NHSL1: variants seen among roughly 807,000 people sequenced by gnomAD.
The protein encoded by NHSL1 is NHS-like protein 1.
NHSL1 carries 48 observed loss-of-function variants against 95.0 expected under a neutral mutation model. The observed-to-expected ratio is 0.51, with a 90% confidence interval of 0.40 to 0.64. NHSL1 has a LOEUF of 0.64. NHSL1 is among the 30% of genes least tolerant of loss of function. The pLI is 0.00. For missense variants in NHSL1, 1,971 were observed against 2,077.7 expected, an observed-to-expected ratio of 0.95 and a Z score of 1.00; for synonymous variants, 783 against 833.9, an observed-to-expected ratio of 0.94 and a Z score of 1.05.
At chr6:138,550,346 C>G (rs1223042915), upstream of NHSL1, among the ~76,000 whole-genome samples, 1 of 152,116 alleles carries the variant, frequency 6.6e-6, no homozygotes, top group Non-Finnish European at 1.5e-5. Flanking sequence ...AAAATAAGAA[C>G]TATCCATTGA....
At chr6:138,683,577 T>G (rs112619131) in intron 1 of NHSL1, among the ~76,000 whole-genome samples, 15 of 152,388 alleles carry the variant, frequency 9.8e-5, no homozygotes, top group African/African-American at 3.6e-4. Context: ...AAAAGCCTTC[T>G]TGTTTTTTCC....
intron 3 of NHSL1, among the ~76,000 whole-genome samples, chr6:138,456,744 A>G (rs1184038867): frequency 6.6e-6 from 1 of 152,226 alleles, no homozygotes; most frequent in Admixed American, 6.5e-5. Context: ...CTGCCTTCAA[A>G]TGCAAGAACC....
intron 3 of NHSL1, among the ~76,000 whole-genome samples, chr6:138,454,743 T>A (rs1309795937): frequency 6.6e-6 from 1 of 152,268 alleles, no homozygotes; most frequent in Non-Finnish European, 1.5e-5. Flanking sequence ...AACTATGTGA[T>A]CTTAGGCAAG....
At chr6:138,516,661 G>A (rs777572823) in intron 1 of NHSL1, among the ~76,000 whole-genome samples, 5 of 152,242 alleles carry the variant, frequency 3.3e-5, no homozygotes, top group African/African-American at 7.2e-5. Flanking sequence ...TTGAGACAAG[G>A]TCTAGCTCTC....
intron 3 of NHSL1, among the ~76,000 whole-genome samples, chr6:138,460,801 A>T (rs1777945348): frequency 6.6e-6 from 1 of 151,290 alleles, no homozygotes; most frequent in Admixed American, 6.6e-5. Context: ...TTCACTTAGC[A>T]CTGCCCCTCT....
intron 1 of NHSL1, among the ~76,000 whole-genome samples, chr6:138,597,190 A>G (rs1784313377): frequency 6.6e-6 from 1 of 152,298 alleles, no homozygotes; most frequent in East Asian, 1.9e-4. Context: ...TAAGACCTGC[A>G]AACAGCGAAT....
At chr6:138,666,278 G>A (rs1785292962) in intron 1 of NHSL1, among the ~76,000 whole-genome samples, 1 of 151,836 alleles carries the variant, frequency 6.6e-6, no homozygotes. Context: ...ACTCCAGCCT[G>A]GACAACAAGG....
intron 1 of NHSL1, among the ~76,000 whole-genome samples, chr6:138,543,391 T>C (rs866671695): frequency 6.6e-6 from 1 of 152,206 alleles, no homozygotes; most frequent in South Asian, 2.1e-4. Context: ...ATGAGAAAGA[T>C]GGCATCCTTC....
In NHSL1 at chr6:138,424,616, C is replaced by G; in HGVS notation, c.4286G>C (p.Arg1429Pro). Residue 1429 changes from arginine to proline, a missense_variant, in exon 8 of 8, where the codon CGT becomes CCT. This residue lies in a region of NHSL1 where 146 missense variants were observed against 206.3 expected (regional missense o/e 0.71). Transcript: ENST00000343505. This position sits in a 1 kb window ranked among gnomAD's most constrained non-coding sequence, Gnocchi z 5.9. ...AGACATGCGGGCGCTGGTGTCTGAACGACTGCCCTTTTTCAGCAGCAGAGC... is the reference window on the plus strand; with the variant it reads ...AGACATGCGGGCGCTGGTGTCTGAAGGACTGCCCTTTTTCAGCAGCAGAGC... Reference protein sequence around the residue: ...FKALLLKKGSRSDTSARMSAA... With the variant: ...FKALLLKKGSPSDTSARMSAA... 6.4e-7 allele frequency: 1 copy of G among 1,551,584 alleles called. No individual in the cohort carries two copies. Among genetic ancestry groups the G allele is most frequent in the Non-Finnish European group, 8.7e-7 (1 of 1,146,972 alleles).
upstream of NHSL1, among the ~76,000 whole-genome samples, chr6:138,503,838 C>G (rs954675406): frequency 6.6e-6 from 1 of 152,158 alleles, no homozygotes; most frequent in Non-Finnish European, 1.5e-5. Context: ...CTTTGCCCCC[C>G]AAACTGTTTC....
chr6:138,512,060 G>T (rs1781258130), intron 1 of NHSL1, among the ~76,000 whole-genome samples: 1 of 152,176 alleles, frequency 6.6e-6, no homozygotes, highest in South Asian at 2.1e-4. Context: ...TTTGTGTGCT[G>T]CAATGCATAT....
At chr6:138,472,637 G>A (rs1158395977) in intron 3 of NHSL1, among the ~76,000 whole-genome samples, 3 of 152,112 alleles carry the variant, frequency 2.0e-5, no homozygotes, top group Non-Finnish European at 4.4e-5. Context: ...CTTAGTAAAT[G>A]AAAATAAAAC....
chr6:138,492,747 A>G (rs1389170858), intron 2 of NHSL1, among the ~76,000 whole-genome samples: 1 of 152,222 alleles, frequency 6.6e-6, no homozygotes, highest in East Asian at 1.9e-4. Flanking sequence ...AAACTGACAG[A>G]CTAATTCATA....
chr6:138,661,235 G>A (rs1296093303), intron 1 of NHSL1, among the ~76,000 whole-genome samples: 1 of 152,022 alleles, frequency 6.6e-6, no homozygotes, highest in Non-Finnish European at 1.5e-5. Flanking sequence ...TATTCCTACT[G>A]CATAACTGAA....
At chr6:138,463,035 A>G (rs1045244561) in intron 3 of NHSL1, among the ~76,000 whole-genome samples, 1 of 152,234 alleles carries the variant, frequency 6.6e-6, no homozygotes, top group African/African-American at 2.4e-5. Context: ...CTAGAAAAAT[A>G]GCAGATGGAG....
rs570951396 is a variant in NHSL1, at chr6:138,490,771, C to T, written c.211+5448G>A. On this transcript the variant is annotated intron_variant, in intron 2 of 7. Coordinates refer to ENST00000343505, the MANE Select transcript of NHSL1 (RefSeq NM_001144060.2). ...CCTCAGCCTCCTGAGAAGGCTGGGACTACAGGCATGCGCCACCACACCCGG... is the reference window on the plus strand; with the variant it reads ...CCTCAGCCTCCTGAGAAGGCTGGGATTACAGGCATGCGCCACCACACCCGG... 5.6e-3 allele frequency among the ~76,000 whole-genome samples: 859 copies of T among 152,190 alleles called. 2 individuals carry two copies. Among genetic ancestry groups the T allele is most frequent in the Non-Finnish European group, 0.01 (713 of 68,018 alleles).
chr6:138,574,014 G>C (rs1465420749), upstream of NHSL1, among the ~76,000 whole-genome samples: 3 of 152,046 alleles, frequency 2.0e-5, no homozygotes, highest in African/African-American at 7.3e-5. Flanking sequence ...TGCAAGCTCT[G>C]CCTCCCGGGT....
chr6:138,496,260 A>G lies in NHSL1; in HGVS notation c.170T>C (p.Leu57Pro). 3 of 1,550,982 alleles carry G rather than the reference A, an allele frequency of 1.9e-6. No homozygotes were observed. Among genetic ancestry groups the G allele is most frequent in the Non-Finnish European group, 2.6e-6 (3 of 1,146,816 alleles). Residue 57 changes from leucine to proline, a missense_variant, in exon 2 of 8, where the codon CTG (leucine) becomes CCG (proline). Leu to Pro is a moderately conservative substitution (Grantham distance 98, BLOSUM62 -3). Transcript: ENST00000343505. ...PTTRPPCVED[L>P]HRQAKLNLKS... is the part of the protein sequence containing the mutation. ...GAGGTTGAGCTTGGCTTGGCGGTGCAGGTCCTCAACACAGGGGGGTCTTGT... is the reference window on the plus strand; with the variant it reads ...GAGGTTGAGCTTGGCTTGGCGGTGCGGGTCCTCAACACAGGGGGGTCTTGT...
Position 138,431,901 on chromosome 6 carries a change from T to A in NHSL1, c.2444A>T (p.His815Leu). 5.8e-6 allele frequency: 9 copies of A among 1,551,720 alleles called. No homozygotes were observed. Among genetic ancestry groups the A allele is most frequent in the Non-Finnish European group, 7.8e-6 (9 of 1,146,988 alleles). The change falls in exon 6 of 8, where the codon CAT (histidine) becomes CTT (leucine). Residue 815 changes from histidine to leucine, a missense_variant. Transcript: ENST00000343505. This position sits in a 1 kb window ranked among gnomAD's most constrained non-coding sequence, Gnocchi z 4.0. ...TGTGGCTCTGGACCCTTCTTGGACA[T>A]GGCGGACTGGCCCGTTCCCAGTGGG... is the stretch of plus-strand genomic sequence containing the variant. ...GVPTGNGPVR[H>L]VQEGSRATMP...
Sources: allele counts gnomAD v4.1 joint callset (sites outside exome capture counted in the v4.1 genomes callset), GRCh38; gene constraint gnomAD v4.1.1; regional missense constraint gnomAD v4.1.1; non-coding constraint Gnocchi (gnomAD v3.1); transcripts MANE v1.5; gene names NCBI Gene and HGNC (gene_info 2026-07-23, HGNC 2026-07-21).